The following GALNT10 variants were observed in gnomAD, a reference collection of about 807,000 sequenced individuals.
GALNT10 encodes the protein polypeptide N-acetylgalactosaminyltransferase 10.
A neutral mutation model predicts 75.0 loss-of-function variants in GALNT10; 41 were observed. The observed-to-expected ratio is 0.55, with a 90% CI of 0.43 to 0.71. The LOEUF is 0.71. GALNT10 is among the 30% of genes least tolerant of loss of function. The pLI is 0.00. For missense variants in GALNT10, 727 were observed against 818.5 expected (o/e 0.89, Z 1.36); for synonymous variants, 302 against 313.0 (o/e 0.96, Z 0.37).
At chr5:154,224,905 T>G (rs1175560372) in intron 1 of GALNT10, among the ~76,000 whole-genome samples, 1 of 149,980 alleles carries the variant, frequency 6.7e-6, no homozygotes, top group Non-Finnish European at 1.5e-5. Context: ...CTCAGCCTCC[T>G]GGGTAGCTAG....
At chr5:154,238,519 C>G (rs1753282633) in intron 1 of GALNT10, among the ~76,000 whole-genome samples, 1 of 152,178 alleles carries the variant, frequency 6.6e-6, no homozygotes, top group Admixed American at 6.5e-5. Context: ...CGTGCATCTT[C>G]TCCTTCTCCC....
intron 4 of GALNT10, among the ~76,000 whole-genome samples, chr5:154,338,864 C>G (rs558984402): frequency 6.6e-6 from 1 of 152,266 alleles, no homozygotes; most frequent in South Asian, 2.1e-4. Flanking sequence ...CTCTTTGTAC[C>G]CCTTATCTTC....
intron 1 of GALNT10, among the ~76,000 whole-genome samples, chr5:154,240,109 C>T (rs1561637862): frequency 1.3e-5 from 2 of 152,132 alleles, no homozygotes; most frequent in Admixed American, 6.5e-5. Context: ...AATGTGTATT[C>T]GTGTATACAC....
intron 3 of GALNT10, among the ~76,000 whole-genome samples, chr5:154,314,549 G>A (rs114584039): frequency 1.3e-5 from 2 of 152,008 alleles, no homozygotes; most frequent in Non-Finnish European, 2.9e-5. Context: ...TTAAAGCTCC[G>A]TATGTGGCCT....
At chr5:154,324,678 G>A (rs1754727450) in intron 3 of GALNT10, among the ~76,000 whole-genome samples, 1 of 152,020 alleles carries the variant, frequency 6.6e-6, no homozygotes, top group African/African-American at 2.4e-5. Context: ...AAAAATTGCT[G>A]GGCCCCACCC....
chr5:154,399,628 T>A (rs1756116395), intron 7 of GALNT10, among the ~76,000 whole-genome samples: 2 of 152,306 alleles, frequency 1.3e-5, no homozygotes, highest in South Asian at 2.1e-4. Flanking sequence ...GAAGAATGGA[T>A]GACAAAATGA....
chr5:154,285,176 A>G (rs1427584008), intron 1 of GALNT10, among the ~76,000 whole-genome samples: 1 of 152,116 alleles, frequency 6.6e-6, no homozygotes, highest in Non-Finnish European at 1.5e-5. Flanking sequence ...AGGCTCCCCC[A>G]GCACAGAGCG....
At chr5:154,280,101 T>C (rs1217640182) in intron 1 of GALNT10, among the ~76,000 whole-genome samples, 1 of 152,334 alleles carries the variant, frequency 6.6e-6, no homozygotes, top group East Asian at 1.9e-4. Context: ...AATTATGTTA[T>C]TTGCAGCAAC....
At chr5:154,222,877 TC>T (rs1162403661) in intron 1 of GALNT10, among the ~76,000 whole-genome samples, 1 of 152,224 alleles carries the variant, frequency 6.6e-6, no homozygotes, top group African/African-American at 2.4e-5. Flanking sequence ...GAATATATTC[TC>T]CCAATCTGTG....
Position 154,416,006 on chromosome 5 carries a change from T to C in GALNT10, c.1653+74T>C. 7.4e-7 allele frequency: 1 copy of C among 1,353,954 alleles called. No individual in the cohort carries two copies. Among genetic ancestry groups the C allele is most frequent in the South Asian group, 1.3e-5 (1 of 78,052 alleles). 83.9% of individuals were successfully genotyped at this position (1,353,954 alleles called of 1,614,324 possible). ...AGGCAATACAGTGCTTCACCCCTTCTTTCAACAGAGCCCATCCACTTATTC... is the reference window on the plus strand; with the variant it reads ...AGGCAATACAGTGCTTCACCCCTTCCTTCAACAGAGCCCATCCACTTATTC... On this transcript the variant is annotated intron_variant, in intron 11 of 11. Coordinates refer to ENST00000297107, the MANE Select transcript of GALNT10 (RefSeq NM_198321.4). The surrounding 1 kb of genome is among the most constrained non-coding windows in gnomAD (Gnocchi z 4.5).
At chr5:154,203,647 T>G (rs1775061523) in intron 1 of GALNT10, among the ~76,000 whole-genome samples, 1 of 152,200 alleles carries the variant, frequency 6.6e-6, no homozygotes, top group Non-Finnish European at 1.5e-5. Flanking sequence ...AAACTTAATT[T>G]GTACAACTGT....
chr5:154,391,635 G>T (rs891288045), intron 7 of GALNT10, among the ~76,000 whole-genome samples: 1 of 152,164 alleles, frequency 6.6e-6, no homozygotes, highest in Non-Finnish European at 1.5e-5. Context: ...CATTAGTCTG[G>T]ATTCTTGCTT....
rs1352665207 is a variant in GALNT10, at chr5:154,356,791, A to G, written c.569-19486A>G. Among the ~76,000 whole-genome samples, 11 of 152,324 alleles carry G rather than the reference A, an allele frequency of 7.2e-5. No homozygotes were observed. The East Asian group carries it at 2.1e-3, about 29-fold the overall frequency. On this transcript the variant is annotated intron_variant, in intron 4 of 11. Transcript: ENST00000297107. ...GAAGGGCCAGCAGAGCTGGGCCCAG[A>G]TAAAGAGGGCTACAGAGGCCAAACC...
chr5:154,192,520 C>A (rs1774873568), intron 1 of GALNT10, among the ~76,000 whole-genome samples: 1 of 152,256 alleles, frequency 6.6e-6, no homozygotes. Flanking sequence ...AGCTCTACCA[C>A]TAACTTACTG....
Position 154,247,981 on chromosome 5 carries a change from G to A in GALNT10, c.160-46835G>A, listed in dbSNP as rs891386765. Among the ~76,000 whole-genome samples, 33 of 152,120 alleles carry A rather than the reference G, an allele frequency of 2.2e-4. 1 individual carries two copies. Among genetic ancestry groups the A allele is most frequent in the Admixed American group, 3.3e-4 (5 of 15,260 alleles). ...AATAGCTCTTATTATTTTGAGATACGTCCCATCAATACCTAATTTATTGAG... is the reference window on the plus strand; with the variant it reads ...AATAGCTCTTATTATTTTGAGATACATCCCATCAATACCTAATTTATTGAG... On this transcript the variant is annotated intron_variant, in intron 1 of 11. Coordinates refer to ENST00000297107, the MANE Select transcript of GALNT10 (RefSeq NM_198321.4).
intron 4 of GALNT10, among the ~76,000 whole-genome samples, chr5:154,374,844 G>T (rs534407496): frequency 4.8e-4 from 73 of 152,242 alleles, no homozygotes; most frequent in Non-Finnish European, 9.0e-4. Flanking sequence ...GCTCATAGTT[G>T]TGGAGAGGCA....
chr5:154,367,093 G>C (rs1022069634), intron 4 of GALNT10, among the ~76,000 whole-genome samples: 3 of 152,208 alleles, frequency 2.0e-5, no homozygotes, highest in Admixed American at 1.3e-4. Flanking sequence ...GAATACAAGA[G>C]GATAGAATAG....
intron 1 of GALNT10, among the ~76,000 whole-genome samples, chr5:154,221,494 C>T (rs748550455): frequency 2.6e-5 from 4 of 152,192 alleles, no homozygotes; most frequent in Non-Finnish European, 5.9e-5. Flanking sequence ...AAAACTCAGC[C>T]GCTCCTATTC....
In GALNT10 at chr5:154,376,565, T is replaced by C; in HGVS notation, c.754+103T>C. On this transcript the variant is annotated intron_variant, in intron 5 of 11. Transcript: ENST00000297107. This position sits in a 1 kb window ranked among gnomAD's most constrained non-coding sequence, Gnocchi z 4.1. Reference sequence around the variant, plus strand: ...CCATCCATAAGCCTTCCCTTGCCTGTTCGAGATGCCCCCAGCACAATGCCA... The same window carrying C: ...CCATCCATAAGCCTTCCCTTGCCTGCTCGAGATGCCCCCAGCACAATGCCA... The C allele has an allele frequency of 1.3e-6, 1 of 753,502 alleles. No individual in the cohort carries two copies. The highest frequency in any genetic ancestry group is 2.1e-6 in the Non-Finnish European group (1 of 470,848). The allele number at this position is 753,502 out of a possible 1,614,324, so 46.7% of individuals were successfully genotyped here.
Sources: allele counts gnomAD v4.1 joint callset (sites outside exome capture counted in the v4.1 genomes callset), GRCh38; gene constraint gnomAD v4.1.1; non-coding constraint Gnocchi (gnomAD v3.1); transcripts MANE v1.5; gene names NCBI Gene and HGNC (gene_info 2026-07-23, HGNC 2026-07-21).